Variants in GSE1 observed in about 807,000 individuals in gnomAD.
GSE1 encodes the protein Gse1 coiled-coil protein.
In GSE1, 32 loss-of-function variants were observed where a neutral mutation model predicts 112.6. The observed-to-expected ratio is 0.28, with a 90% CI of 0.21 to 0.38. The LOEUF (loss-of-function observed/expected upper bound fraction) is 0.38. Among genes scored for constraint, GSE1 ranks in the 10% least tolerant of loss-of-function variants. GSE1 has a pLI of 1.00. For missense variants in GSE1, 2,348 were observed against 1,699.2 expected (o/e 1.38, Z -6.71); for synonymous variants, 1,115 against 735.6 (o/e 1.52, Z -8.35).
chr16:85,436,512 G>A (rs1177612222), intron 2 of GSE1, among the ~76,000 whole-genome samples: 2 of 152,238 alleles, frequency 1.3e-5, no homozygotes, highest in Non-Finnish European at 2.9e-5. Context: ...GCAGGAGGTG[G>A]AATTTGTTTT....
intron 1 of GSE1, among the ~76,000 whole-genome samples, chr16:85,355,356 C>G (rs1398293125): frequency 6.6e-6 from 1 of 152,184 alleles, no homozygotes; most frequent in African/African-American, 2.4e-5. Flanking sequence ...GTTCGTTGTT[C>G]AAGCTGGGGC....
At chr16:85,409,367 A>T (rs868383001) in intron 2 of GSE1, among the ~76,000 whole-genome samples, 11 of 26,240 alleles carry the variant, frequency 4.2e-4, no homozygotes, top group African/African-American at 2.0e-3. Flanking sequence ...TCACTGTTAC[A>T]CTCAGGCCCC....
upstream of GSE1, chr16:85,555,736 T>C: frequency 1.0e-6 from 1 of 977,726 alleles, no homozygotes; most frequent in African/African-American, 1.8e-5. Context: ...ACAGGTCTCT[T>C]GACCCTCGCC....
chr16:85,431,461 C>A (rs1208588969), intron 2 of GSE1, among the ~76,000 whole-genome samples: 4 of 152,238 alleles, frequency 2.6e-5, no homozygotes, highest in Non-Finnish European at 5.9e-5. Flanking sequence ...GGGCGAAAAA[C>A]ACACAACGCC....
upstream of GSE1, chr16:85,613,213 G>A: frequency 1.4e-6 from 2 of 1,477,474 alleles, no homozygotes; most frequent in Non-Finnish European, 1.8e-6. Context: ...GCGTTTGGGT[G>A]TGTCCTCGGC....
At chr16:85,461,195 G>A (rs2049957924) in intron 2 of GSE1, among the ~76,000 whole-genome samples, 1 of 152,220 alleles carries the variant, frequency 6.6e-6, no homozygotes, top group South Asian at 2.1e-4. Flanking sequence ...TGACATTTGG[G>A]GTTGGCTGAT....
At chr16:85,188,008 G>A (rs918041732) in intron 1 of GSE1, among the ~76,000 whole-genome samples, 2 of 152,158 alleles carry the variant, frequency 1.3e-5, no homozygotes, top group Non-Finnish European at 2.9e-5. Context: ...CTCCTGGCAC[G>A]TCTCCCATGG....
chr16:85,308,564 C>T (rs1401513033), intron 1 of GSE1, among the ~76,000 whole-genome samples: 2 of 152,194 alleles, frequency 1.3e-5, no homozygotes, highest in Non-Finnish European at 2.9e-5. Flanking sequence ...CTGCAATCCA[C>T]TCTGAACAGG....
At chr16:85,579,189 A>G (rs532971207) in intron 1 of GSE1, among the ~76,000 whole-genome samples, 1 of 152,210 alleles carries the variant, frequency 6.6e-6, no homozygotes, top group Non-Finnish European at 1.5e-5. Context: ...TTTAGGAGCA[A>G]CGCTGGTCGG....
chr16:85,403,357 G>C (rs1411589759), intron 2 of GSE1, among the ~76,000 whole-genome samples: 1 of 152,192 alleles, frequency 6.6e-6, no homozygotes, highest in African/African-American at 2.4e-5. Context: ...GGCCACCCAG[G>C]GGCATGACCA....
chr16:85,665,854 G>C, intron 12 of GSE1, 122 bp from the exon 13 acceptor site: 2 of 897,048 alleles, frequency 2.2e-6, no homozygotes, highest in Non-Finnish European at 3.6e-6. Context: ...TGTTCCCCGG[G>C]TCTTGGTTCT....
At chr16:85,413,328 A>G (rs1054378793) in intron 2 of GSE1, among the ~76,000 whole-genome samples, 1 of 152,138 alleles carries the variant, frequency 6.6e-6, no homozygotes, top group African/African-American at 2.4e-5. Flanking sequence ...TTTACCTAGG[A>G]GGAAGGCAGG....
chr16:85,572,259 CCA>C (rs970462392), intron 1 of GSE1, among the ~76,000 whole-genome samples: 15 of 144,594 alleles, frequency 1.0e-4, no homozygotes, highest in South Asian at 4.5e-4. Flanking sequence ...CCACACACAA[CCA>C]CACACACACC....
At chr16:85,222,557 AC>A (rs2075412328) in intron 1 of GSE1, among the ~76,000 whole-genome samples, 1 of 152,180 alleles carries the variant, frequency 6.6e-6, no homozygotes, top group South Asian at 2.1e-4. Flanking sequence ...GCTATTTTTC[AC>A]AATAGCCAGT....
chr16:85,363,398 A>C (rs1022460330), intron 2 of GSE1, among the ~76,000 whole-genome samples: 2 of 152,160 alleles, frequency 1.3e-5, no homozygotes, highest in African/African-American at 4.8e-5. Context: ...TGTTCTCAGC[A>C]GTGCTTGCTC....
At chr16:85,282,764 G>A (rs566914275) in intron 1 of GSE1, among the ~76,000 whole-genome samples, 4 of 152,348 alleles carry the variant, frequency 2.6e-5, no homozygotes, top group South Asian at 4.1e-4. Flanking sequence ...CACCTGCCTT[G>A]AAGTCTTGTC....
At chr16:85,398,785 G>A (rs1048915135) in intron 2 of GSE1, among the ~76,000 whole-genome samples, 4 of 152,244 alleles carry the variant, frequency 2.6e-5, no homozygotes, top group East Asian at 3.9e-4. Context: ...TTCTGTTCAC[G>A]TGGTCCTTAC....
intron 1 of GSE1, among the ~76,000 whole-genome samples, chr16:85,265,630 G>A (rs1394074438): frequency 6.6e-6 from 1 of 152,138 alleles, no homozygotes; most frequent in Non-Finnish European, 1.5e-5. Flanking sequence ...GACTCCAGAG[G>A]CTGATGCCTA....
At chr16:85,664,943 TAGA>T in intron 11 of GSE1, 69 bp from the exon 12 acceptor site, 1 of 1,048,430 alleles carries the variant, frequency 9.5e-7, no homozygotes, top group Non-Finnish European at 1.5e-6. Flanking sequence ...AAGGCTCGGC[TAGA>T]ATCCCGCTGT....
Sources: gnomAD v4.1 joint callset for allele counts (sites outside exome capture counted in the v4.1 genomes callset) on GRCh38, gnomAD v4.1.1 for gene constraint, MANE v1.5 for transcripts, NCBI Gene and HGNC (gene_info 2026-07-23, HGNC 2026-07-21) for gene names.